MAP3K5: variants seen among roughly 807,000 people sequenced by gnomAD.
MAP3K5 encodes ASK-1.
MAP3K5 carries 56 observed loss-of-function variants against 158.7 expected under a neutral mutation model. That is an observed-to-expected ratio of 0.35 (90% confidence interval 0.28 to 0.44). The LOEUF (loss-of-function observed/expected upper bound fraction) is 0.44, where lower values mean the gene tolerates loss of function less well. MAP3K5 is among the 20% of genes least tolerant of loss of function. The pLI, the probability that MAP3K5 is intolerant of heterozygous loss-of-function variation, is 1.00. For missense variants in MAP3K5, 1,294 were observed against 1,674.8 expected (o/e 0.77, Z 3.97); for synonymous variants, 579 against 601.7 (o/e 0.96, Z 0.55).
intron 3 of MAP3K5, among the ~76,000 whole-genome samples, chr6:136,698,934 A>G (rs1780727210): frequency 1.3e-5 from 2 of 152,208 alleles, no homozygotes; most frequent in Admixed American, 1.3e-4. Flanking sequence ...ATATTTATTC[A>G]CCATCTTTCA....
intron 7 of MAP3K5, among the ~76,000 whole-genome samples, chr6:136,681,893 T>G (rs1443822675): frequency 6.6e-6 from 1 of 152,110 alleles, no homozygotes; most frequent in African/African-American, 2.4e-5. Context: ...CACTCCAGCC[T>G]GGGCAACAGA....
chr6:136,766,583 T>C (rs1041479812), intron 1 of MAP3K5, among the ~76,000 whole-genome samples: 1 of 152,204 alleles, frequency 6.6e-6, no homozygotes, highest in African/African-American at 2.4e-5. Context: ...AGTCAGAATT[T>C]GCGGTTGGGA....
At chr6:136,741,935 C>T (rs1782724774) in intron 1 of MAP3K5, among the ~76,000 whole-genome samples, 1 of 152,036 alleles carries the variant, frequency 6.6e-6, no homozygotes, top group Non-Finnish European at 1.5e-5. Context: ...ATAAATCTCA[C>T]CAAATACGGA....
chr6:136,694,263 G>A lies in MAP3K5; in HGVS notation c.1130C>T (p.Pro377Leu). The change falls in exon 7 of 30, where the codon CCC becomes CTC. Residue 377 changes from proline (P) to leucine (L), a missense_variant. Transcript: ENST00000359015. ...DRAKALDIMI[P>L]MVQSEGQVAS... ...AACTTGTCCTTCGCTTTGCACCATG[G>A]GAATCATAATATCAAGAGCTTTTGC... 1 of 1,613,208 alleles carries A rather than the reference G, an allele frequency of 6.2e-7. No homozygotes were observed. The highest frequency in any genetic ancestry group is 8.5e-7 in the Non-Finnish European group (1 of 1,179,890).
chr6:136,706,280 A>G (rs1030723994), intron 2 of MAP3K5, among the ~76,000 whole-genome samples: 2 of 152,108 alleles, frequency 1.3e-5, no homozygotes, highest in South Asian at 2.1e-4. Flanking sequence ...AAAGAATGGG[A>G]TAAGTACACA....
chr6:136,698,568 C>T lies in MAP3K5; in HGVS notation c.727G>A (p.Glu243Lys), dbSNP rs757254718. Residue 243 changes from glutamate to lysine, a missense_variant, in exon 4 of 30, where the codon GAG becomes AAG. By Grantham distance (56) the Glu-to-Lys change is moderately conservative. Around this residue, in one of 5 missense-constraint regions of MAP3K5, gnomAD observed 690 missense variants for 870.5 expected, o/e 0.79. Coordinates refer to ENST00000359015, the MANE Select transcript of MAP3K5 (RefSeq NM_005923.4). ...GLTELMQPNF[E>K]LLLGPICLPL... Reference sequence around the variant, plus strand: ...AAGCAGATGGGTCCAAGAAGCAGCTCGAAGTTCGGTTGCATGAGCTCTGTC... The same window carrying T: ...AAGCAGATGGGTCCAAGAAGCAGCTTGAAGTTCGGTTGCATGAGCTCTGTC... 1.6e-5 allele frequency: 26 copies of T among 1,613,872 alleles called. No individual in the cohort carries two copies. Among genetic ancestry groups the T allele is most frequent in the Non-Finnish European group, 2.1e-5 (25 of 1,179,970 alleles).
intron 1 of MAP3K5, among the ~76,000 whole-genome samples, chr6:136,777,043 G>T (rs1784427750): frequency 6.6e-6 from 1 of 152,150 alleles, no homozygotes; most frequent in African/African-American, 2.4e-5. Context: ...TTTTATTTCA[G>T]ATTTACCAAC....
chr6:136,579,385 C>T (rs994801485), intron 25 of MAP3K5, among the ~76,000 whole-genome samples: 16 of 152,204 alleles, frequency 1.1e-4, no homozygotes, highest in African/African-American at 3.4e-4. Flanking sequence ...AACACTACCC[C>T]TTTTGTATCT....
chr6:136,750,249 T>C (rs759749262), intron 1 of MAP3K5, among the ~76,000 whole-genome samples: 5 of 152,322 alleles, frequency 3.3e-5, no homozygotes, highest in Middle Eastern at 3.4e-3. Context: ...GGCTAATTTT[T>C]GTATTTTTAG....
intron 26 of MAP3K5, among the ~76,000 whole-genome samples, chr6:136,563,629 A>G (rs1456364716): frequency 6.6e-6 from 1 of 152,208 alleles, no homozygotes; most frequent in Non-Finnish European, 1.5e-5. Context: ...TGTGATATTC[A>G]TACCAAAGTT....
chr6:136,641,518 T>C (rs978089078), intron 12 of MAP3K5, among the ~76,000 whole-genome samples: 14 of 152,032 alleles, frequency 9.2e-5, no homozygotes, highest in African/African-American at 2.2e-4. Flanking sequence ...AAAATATATA[T>C]ATATTATTTC....
intron 7 of MAP3K5, among the ~76,000 whole-genome samples, chr6:136,680,083 C>T (rs530822443): frequency 6.6e-6 from 1 of 151,674 alleles, no homozygotes; most frequent in South Asian, 2.1e-4. Flanking sequence ...AAACCCAAAG[C>T]AAATATAATA....
At chr6:136,639,416 G>A in intron 13 of MAP3K5, 127 bp downstream of exon 13, 1 of 498,604 alleles carries the variant, frequency 2.0e-6, no homozygotes, top group Non-Finnish European at 3.6e-6. Flanking sequence ...TAAAATATTA[G>A]CCCAAATAAA....
Position 136,622,998 on chromosome 6 carries a change from G to A in MAP3K5, c.2017-17C>T, listed in dbSNP as rs771235723. The A allele has an allele frequency of 2.7e-5, 44 of 1,610,352 alleles. 1 individual carries two copies. The South Asian group carries it at 3.3e-4, about 12-fold the overall frequency. On this transcript the variant is annotated splice_polypyrimidine_tract_variant and intron_variant, in intron 14 of 29. Transcript: ENST00000359015. ...ATAGTCATACTACAAAAGGAAAAACGGGGAGAAAAGATCAAAACATTAGTT... is the reference window on the plus strand; with the variant it reads ...ATAGTCATACTACAAAAGGAAAAACAGGGAGAAAAGATCAAAACATTAGTT...
intron 23 of MAP3K5, among the ~76,000 whole-genome samples, chr6:136,588,991 C>G (rs181775152): frequency 7.9e-5 from 12 of 152,312 alleles, no homozygotes; most frequent in African/African-American, 2.9e-4. Context: ...TGAGGCCCTA[C>G]TGGCACATAT....
chr6:136,669,884 GGTGTGT>G (rs60778677), intron 7 of MAP3K5, among the ~76,000 whole-genome samples: 138 of 144,424 alleles, frequency 9.6e-4, no homozygotes, highest in Admixed American at 3.1e-3. Flanking sequence ...CATCATTCAG[GGTGTGT>G]GTGTGTGTGT....
chr6:136,612,966 T>C (rs1020655922), intron 17 of MAP3K5, among the ~76,000 whole-genome samples, 154 bp downstream of exon 17: 3 of 152,240 alleles, frequency 2.0e-5, no homozygotes, highest in African/African-American at 7.2e-5. Flanking sequence ...AAATAACTGA[T>C]TCAGGGTTGA....
At chr6:136,750,961 A>T (rs1039446163) in intron 1 of MAP3K5, among the ~76,000 whole-genome samples, 2 of 152,218 alleles carry the variant, frequency 1.3e-5, no homozygotes, top group Admixed American at 6.5e-5. Flanking sequence ...AGAATGACTA[A>T]CCAGAGAATA....
At chr6:136,698,795 A>G (rs1780721535) in intron 3 of MAP3K5, 113 bp from the exon 4 acceptor site, 2 of 712,420 alleles carry the variant, frequency 2.8e-6, no homozygotes, top group East Asian at 5.5e-5. Flanking sequence ...GAAATAGAAA[A>G]GCCTCATTAT....
Sources: gnomAD v4.1 joint callset for allele counts (sites outside exome capture counted in the v4.1 genomes callset) on GRCh38, gnomAD v4.1.1 for gene constraint, gnomAD v4.1.1 regional missense constraint, MANE v1.5 for transcripts, NCBI Gene and HGNC (gene_info 2026-07-23, HGNC 2026-07-21) for gene names.